STXBP6: variants seen among roughly 807,000 people sequenced by gnomAD.
STXBP6 encodes syntaxin-binding protein 6.
STXBP6 carries 21 observed loss-of-function variants against 26.9 expected under a neutral mutation model. The ratio of observed to expected loss-of-function variants is 0.78; its 90% CI spans 0.55 to 1.12. The LOEUF (loss-of-function observed/expected upper bound fraction) is 1.12, where lower values mean the gene tolerates loss of function less well. STXBP6 is among the 50% of genes most tolerant of loss of function. The pLI is 0.00. For missense variants in STXBP6, 232 were observed against 257.9 expected (o/e 0.90, Z 0.69); for synonymous variants, 97 against 92.6 (o/e 1.05, Z -0.27).
intron 1 of STXBP6, among the ~76,000 whole-genome samples, chr14:25,028,730 T>C (rs902022899): frequency 3.3e-5 from 5 of 152,136 alleles, no homozygotes; most frequent in African/African-American, 4.8e-5. Context: ...CTCCGATGTA[T>C]CTGGTCAAAG....
intron 1 of STXBP6, among the ~76,000 whole-genome samples, chr14:25,032,048 T>C (rs762680935): frequency 5.9e-5 from 9 of 151,982 alleles, no homozygotes; most frequent in African/African-American, 1.7e-4. Flanking sequence ...GACAGGAAGA[T>C]AGAAAGTTTG....
At chr14:25,029,650 T>C (rs1170308708) in intron 1 of STXBP6, among the ~76,000 whole-genome samples, 1 of 152,154 alleles carries the variant, frequency 6.6e-6, no homozygotes, top group African/African-American at 2.4e-5. Flanking sequence ...AAGACTCCTA[T>C]ATAATGCTTC....
intron 2 of STXBP6, among the ~76,000 whole-genome samples, chr14:24,894,810 G>A (rs1464504761): frequency 6.6e-6 from 1 of 152,136 alleles, no homozygotes; most frequent in Non-Finnish European, 1.5e-5. Flanking sequence ...CATGGAGACC[G>A]TGGCTTCCCA....
At position 24,989,140 on chromosome 14, in the gene STXBP6, T is replaced by C. The variant is rs1595262769; in HGVS notation, c.-32-14290A>G. ...CGCACCCCCCACCATCTCTACAACC[T>C]CCAAATCACCAGACCCCACTACTCC... On this transcript the variant is annotated intron_variant, in intron 1 of 5. Transcript: ENST00000323944. Among the ~76,000 whole-genome samples, 3 of 152,068 alleles carry C rather than the reference T, an allele frequency of 2.0e-5. No individual in the cohort carries two copies. The South Asian group carries it at 6.2e-4, about 32-fold the overall frequency.
intron 1 of STXBP6, among the ~76,000 whole-genome samples, chr14:24,997,134 G>T (rs1238046929): frequency 1.3e-5 from 2 of 152,120 alleles, no homozygotes; most frequent in Non-Finnish European, 2.9e-5. Flanking sequence ...TCAGACTCAG[G>T]AAGGGGCAAT....
chr14:24,829,070 G>T (rs2068376020), intron 4 of STXBP6, among the ~76,000 whole-genome samples: 1 of 151,978 alleles, frequency 6.6e-6, no homozygotes, highest in Non-Finnish European at 1.5e-5. Context: ...TGTGCCCCCT[G>T]TGCCCCCACT....
At chr14:24,914,583 T>C (rs1000477443) in intron 2 of STXBP6, among the ~76,000 whole-genome samples, 2 of 152,138 alleles carry the variant, frequency 1.3e-5, no homozygotes, top group Non-Finnish European at 2.9e-5. Flanking sequence ...TAAAAGAACA[T>C]ATGCAACTAT....
At chr14:24,899,893 A>C (rs900452843) in intron 2 of STXBP6, among the ~76,000 whole-genome samples, 2 of 151,886 alleles carry the variant, frequency 1.3e-5, no homozygotes, top group Non-Finnish European at 2.9e-5. Flanking sequence ...GTGCTCTTAG[A>C]CACTATGCCA....
intron 2 of STXBP6, among the ~76,000 whole-genome samples, chr14:24,883,377 C>T (rs905202640): frequency 6.6e-6 from 1 of 152,146 alleles, no homozygotes; most frequent in Non-Finnish European, 1.5e-5. Context: ...CAAGTTCATA[C>T]TTCATTCAGA....
At chr14:24,816,072 T>C (rs2067965694) in intron 5 of STXBP6, 1 of 152,226 alleles carries the variant, frequency 6.6e-6, no homozygotes, top group South Asian at 2.1e-4. Context: ...TATTTTCTAC[T>C]GGACTCTACA....
chr14:24,874,421 G>A (rs2070057543), intron 2 of STXBP6, among the ~76,000 whole-genome samples: 1 of 152,008 alleles, frequency 6.6e-6, no homozygotes, highest in Admixed American at 6.6e-5. Context: ...AGTGTGGAAA[G>A]CCCCTTGCCC....
intron 2 of STXBP6, among the ~76,000 whole-genome samples, chr14:24,960,384 T>G (rs1461838277): frequency 6.6e-6 from 1 of 152,158 alleles, no homozygotes; most frequent in Non-Finnish European, 1.5e-5. Flanking sequence ...CAATAAAAAA[T>G]TTATGACTGT....
chr14:24,819,153 C>T lies in STXBP6; in HGVS notation c.493G>A (p.Ala165Thr), dbSNP rs769400439. ...LHSAADSVTS[A>T]VQKASQALNE... Reference sequence around the variant, plus strand: ...AAGGCCTGGCTTGCCTTCTGCACTGCGCTGGTCACGCTGTCAGCAGCTGAA... The same window carrying T: ...AAGGCCTGGCTTGCCTTCTGCACTGTGCTGGTCACGCTGTCAGCAGCTGAA... Residue 165 changes from alanine (A) to threonine (T), a missense_variant, in exon 5 of 6, where the codon GCA becomes ACA. Ala to Thr is a moderately conservative substitution (Grantham distance 58). Coordinates refer to ENST00000323944, the MANE Select transcript of STXBP6 (RefSeq NM_001394410.1). The T allele has an allele frequency of 2.4e-5, 38 of 1,614,026 alleles. No individual in the cohort carries two copies. The highest frequency in any genetic ancestry group is 2.9e-5 in the Non-Finnish European group (34 of 1,180,014).
intron 1 of STXBP6, among the ~76,000 whole-genome samples, chr14:25,023,502 T>A (rs970184401): frequency 6.6e-6 from 1 of 152,166 alleles, no homozygotes. Flanking sequence ...GGAGAGGCTG[T>A]CAAGGGACAT....
chr14:25,027,974 G>T (rs1187471360), intron 1 of STXBP6, among the ~76,000 whole-genome samples: 2 of 152,222 alleles, frequency 1.3e-5, no homozygotes, highest in Admixed American at 1.3e-4. Flanking sequence ...TACGAAGGCT[G>T]AAAGAGGTGA....
chr14:25,039,488 G>T (rs2075607097), intron 1 of STXBP6, among the ~76,000 whole-genome samples: 1 of 152,168 alleles, frequency 6.6e-6, no homozygotes, highest in Non-Finnish European at 1.5e-5. Flanking sequence ...GTTTCTTGGT[G>T]CATATCTCTC....
intron 1 of STXBP6, among the ~76,000 whole-genome samples, chr14:25,041,126 G>T (rs1482634642): frequency 6.6e-6 from 1 of 152,110 alleles, no homozygotes; most frequent in Non-Finnish European, 1.5e-5. Context: ...TTCGAGACCA[G>T]CCTGGCCAAC....
At chr14:25,036,712 C>T (rs1201475496) in intron 1 of STXBP6, among the ~76,000 whole-genome samples, 1 of 151,796 alleles carries the variant, frequency 6.6e-6, no homozygotes, top group Middle Eastern at 3.2e-3. Context: ...AAAAATTAGC[C>T]GGGCGTGGTG....
chr14:25,013,466 T>TCACA (rs3219652), intron 1 of STXBP6, among the ~76,000 whole-genome samples: 26,940 of 143,162 alleles, frequency 0.19, 2,676 homozygotes, highest in African/African-American at 0.28. Context: ...CATCTCTCTT[T>TCACA]CACACACACA....
Sources: gnomAD v4.1 joint callset for allele counts (sites outside exome capture counted in the v4.1 genomes callset) on GRCh38, gnomAD v4.1.1 for gene constraint, MANE v1.5 for transcripts, NCBI Gene and HGNC (gene_info 2026-07-23, HGNC 2026-07-21) for gene names.